Variants in CEBPE observed in about 807,000 individuals in gnomAD.
CEBPE encodes the protein CCAAT/enhancer-binding protein epsilon.
CEBPE carries 10 observed loss-of-function variants against 20.4 expected under a neutral mutation model. The ratio of observed to expected loss-of-function variants is 0.49; its 90% CI spans 0.30 to 0.83. The LOEUF (loss-of-function observed/expected upper bound fraction) is 0.83. Ranked by LOEUF, CEBPE falls within the 40% of genes least tolerant of loss-of-function variation. The pLI, the probability that CEBPE is intolerant of heterozygous loss-of-function variation, is 0.06. For missense variants in CEBPE, 389 were observed against 383.3 expected, an observed-to-expected ratio of 1.01 and a Z score of -0.12; for synonymous variants, 179 against 162.6, an observed-to-expected ratio of 1.10 and a Z score of -0.77.
rs777494945 is a variant in CEBPE, at chr14:23,118,659, C to T, written c.433G>A (p.Val145Met). 1.2e-6 allele frequency: 2 copies of T among 1,612,670 alleles called. No individual in the cohort carries two copies. The highest frequency in any genetic ancestry group is 2.2e-5 in the South Asian group (2 of 91,070). Residue 145 changes from valine to methionine, a missense_variant, in exon 1 of 2, where the codon GTG becomes ATG. Physicochemically the swap from Val to Met is conservative, Grantham distance 21. Around this residue, in one of 3 missense-constraint regions of CEBPE, gnomAD observed 294 missense variants for 279.7 expected, o/e 1.05. Coordinates refer to ENST00000206513, the MANE Select transcript of CEBPE (RefSeq NM_001805.4). The surrounding 1 kb of genome is among the most constrained non-coding windows in gnomAD (Gnocchi z 5.5). ...ATGGCTGTCTGCCCACAGTGTGCCA[C>T]TTGGTACTGCAGGGGATTGTAGCTG... is the stretch of plus-strand genomic sequence containing the variant. ...RGSYNPLQYQ[V>M]AHCGQTAMHL... is the part of the protein sequence containing the mutation.
Position 23,118,016 on chromosome 14 carries a change from T to C in CEBPE, c.511-194A>G, listed in dbSNP as rs1334524173. Among the ~76,000 whole-genome samples the C allele has an allele frequency of 6.6e-6, 1 of 151,882 alleles. No homozygotes were observed. The highest frequency in any genetic ancestry group is 2.1e-4 in the South Asian group (1 of 4,818). On this transcript the variant is annotated intron_variant, in intron 1 of 1. Transcript: ENST00000206513. The surrounding 1 kb of genome is among the most constrained non-coding windows in gnomAD (Gnocchi z 5.5). The stretch of plus-strand genomic sequence containing the variant: ...GAGATGGTGACCCAGATGCACAGGG[T>C]CCTCTGCTTGAGACCAAAACTCCCT...
intron 1 of CEBPE, 36 bp from the exon 2 acceptor site, chr14:23,117,858 G>A: frequency 6.5e-7 from 1 of 1,541,152 alleles, no homozygotes; most frequent in Non-Finnish European, 8.8e-7. Context: ...GAGAGGTGAG[G>A]GCTGGCCAGG....
chr14:23,117,459 C>G lies in CEBPE; in HGVS notation c.*28G>C, dbSNP rs750263943. The G allele has an allele frequency of 1.3e-6, 2 of 1,592,162 alleles. No homozygotes were observed. Among genetic ancestry groups the G allele is most frequent in the Non-Finnish European group, 1.7e-6 (2 of 1,170,036 alleles). Reference sequence around the variant, plus strand: ...CGCAGAGTTAGGCCGTGCCAGGGAGCCTGGTGCCCACAATCCACCAGCCAG... The same window carrying G: ...CGCAGAGTTAGGCCGTGCCAGGGAGGCTGGTGCCCACAATCCACCAGCCAG... On this transcript the variant is annotated 3_prime_UTR_variant, in exon 2 of 2. Transcript: ENST00000206513.
chr14:23,117,413 GC>G lies in CEBPE; in HGVS notation c.*73del. ...CATGGTCTATGTCTCAGGGTTCTAG[GC>G]CCCCAGCAGGATGGGGGTCCGCAGA... On this transcript the variant is annotated 3_prime_UTR_variant, in exon 2 of 2. Coordinates refer to ENST00000206513, the MANE Select transcript of CEBPE (RefSeq NM_001805.4). 6.8e-7 allele frequency: 1 copy of G among 1,466,142 alleles called. No individual in the cohort carries two copies. Among genetic ancestry groups the G allele is most frequent in the Non-Finnish European group, 9.3e-7 (1 of 1,075,944 alleles). The allele number at this position is 1,466,142 out of a possible 1,614,324, so 90.8% of individuals were successfully genotyped here.
chr14:23,119,177 C>A lies in CEBPE; in HGVS notation c.-86G>T. The A allele has an allele frequency of 1.1e-6, 1 of 910,930 alleles. No individual in the cohort carries two copies. Among genetic ancestry groups the A allele is most frequent in the Non-Finnish European group, 1.7e-6 (1 of 587,656 alleles). The allele number at this position is 910,930 out of a possible 1,614,324, so 56.4% of individuals were successfully genotyped here. ...TCCGGCTGCCCTCTCTCTACCTCCT[C>A]CTGACCTGGGCCTGCCCTCTCTCGA... is the stretch of plus-strand genomic sequence containing the variant. On this transcript the variant is annotated 5_prime_UTR_variant, in exon 1 of 2. Transcript: ENST00000206513.
intron 1 of CEBPE, 124 bp from the exon 2 acceptor site, chr14:23,117,946 C>T (rs1732951992): frequency 1.7e-5 from 12 of 689,330 alleles, no homozygotes; most frequent in Admixed American, 1.5e-4. Context: ...GACTCAGAGC[C>T]AGCTCCTGTC....
In CEBPE at chr14:23,118,186, C is replaced by T. The variant is rs1481188516; in HGVS notation, c.511-364G>A. On this transcript the variant is annotated intron_variant, in intron 1 of 1. Coordinates refer to ENST00000206513, the MANE Select transcript of CEBPE (RefSeq NM_001805.4). This position sits in a 1 kb window ranked among gnomAD's most constrained non-coding sequence, Gnocchi z 5.5. ...CTGGGATTACAGGCATGAGCCACGA[C>T]ACCCAGCCAATGCTCTCACACTTTC... Among the ~76,000 whole-genome samples, 2 of 152,146 alleles carry T rather than the reference C, an allele frequency of 1.3e-5. No homozygotes were observed. The highest frequency in any genetic ancestry group is 4.8e-5 in the African/African-American group (2 of 41,424).
Position 23,117,646 on chromosome 14 carries a change from A to T in CEBPE, c.687T>A (p.Ile229=). 1 of 1,614,160 alleles carries T rather than the reference A, an allele frequency of 6.2e-7. No individual in the cohort carries two copies. The highest frequency in any genetic ancestry group is 8.5e-7 in the Non-Finnish European group (1 of 1,180,032). ...RKSRDKAKRR[I]LETQQKVLEY... ...CCAGCACCTTCTGCTGCGTCTCCAGAATGCGCCTCTTGGCCTTGTCTCGGC... is the reference window on the plus strand; with the variant it reads ...CCAGCACCTTCTGCTGCGTCTCCAGTATGCGCCTCTTGGCCTTGTCTCGGC... The change falls in exon 2 of 2, where the codon ATT becomes ATA. Residue 229 remains isoleucine, a synonymous_variant. Coordinates refer to ENST00000206513, the MANE Select transcript of CEBPE (RefSeq NM_001805.4).
In CEBPE at chr14:23,117,829, G is replaced by A. The variant is rs755307869; in HGVS notation, c.511-7C>T. 3 of 1,590,800 alleles carry A rather than the reference G, an allele frequency of 1.9e-6. No homozygotes were observed. Among genetic ancestry groups the A allele is most frequent in the East Asian group, 2.2e-5 (1 of 44,542 alleles). ...CGGCAGTGGCCAAAGGGGCCTGGAG[G>A]GGAAGGCACGGAGAGACGGAGAGGT... On this transcript the variant is annotated splice_polypyrimidine_tract_variant and splice_region_variant and intron_variant, in intron 1 of 1. Coordinates refer to ENST00000206513, the MANE Select transcript of CEBPE (RefSeq NM_001805.4).
chr14:23,118,881 C>G lies in CEBPE; in HGVS notation c.211G>C (p.Gly71Arg). The G allele has an allele frequency of 6.2e-7, 1 of 1,613,968 alleles. No homozygotes were observed. Residue 71 changes from glycine to arginine, a missense_variant, in exon 1 of 2, where the codon GGC (glycine) becomes CGC (arginine). By Grantham distance (125) the Gly-to-Arg change is moderately radical. This residue lies in a region of CEBPE where 294 missense variants were observed against 279.7 expected (regional missense o/e 1.05). Transcript: ENST00000206513. The surrounding 1 kb of genome is among the most constrained non-coding windows in gnomAD (Gnocchi z 5.5). The part of the protein sequence containing the change: ...KPAPEARGLK[G>R]PGTPAFPHYL... ...TGGGGGAAGGCAGGGGTTCCGGGGC[C>G]CTTGAGGCCTCTGGCCTCAGGCGCT...
At position 23,118,907 on chromosome 14, in the gene CEBPE, G is replaced by T; in HGVS notation, c.185C>A (p.Pro62Gln). Residue 62 changes from proline (P) to glutamine (Q), a missense_variant, in exon 1 of 2, where the codon CCA becomes CAA. By Grantham distance (76) the Pro-to-Gln change is moderately conservative. Coordinates refer to ENST00000206513, the MANE Select transcript of CEBPE (RefSeq NM_001805.4). This position sits in a 1 kb window ranked among gnomAD's most constrained non-coding sequence, Gnocchi z 5.5. ...QLLSDLFAVK[P>Q]APEARGLKGP... ...CTTGAGGCCTCTGGCCTCAGGCGCT[G>T]GCTTCACGGCAAAGAGATCGGAGAG... 1.2e-6 allele frequency: 2 copies of T among 1,614,090 alleles called. No individual in the cohort carries two copies. Among genetic ancestry groups the T allele is most frequent in the South Asian group, 1.1e-5 (1 of 91,090 alleles).
At position 23,118,081 on chromosome 14, in the gene CEBPE, G is replaced by C. The variant is rs2048518529; in HGVS notation, c.511-259C>G. Among the ~76,000 whole-genome samples the C allele has an allele frequency of 6.6e-6, 1 of 151,974 alleles. No homozygotes were observed. The highest frequency in any genetic ancestry group is 1.5e-5 in the Non-Finnish European group (1 of 67,992). Reference sequence around the variant, plus strand: ...CTTTCTTTCTTTCTTTTTTTGTAAAGATGGAGCCTTGCTATGTTGTCCAGG... The same window carrying C: ...CTTTCTTTCTTTCTTTTTTTGTAAACATGGAGCCTTGCTATGTTGTCCAGG... On this transcript the variant is annotated intron_variant, in intron 1 of 1. Transcript: ENST00000206513. The surrounding 1 kb of genome is among the most constrained non-coding windows in gnomAD (Gnocchi z 5.5).
chr14:23,118,903 C>G lies in CEBPE; in HGVS notation c.189G>C (p.Ala63=). Residue 63 remains alanine (A), a synonymous_variant, in exon 1 of 2, where the codon GCG becomes GCC. Coordinates refer to ENST00000206513, the MANE Select transcript of CEBPE (RefSeq NM_001805.4). This position sits in a 1 kb window ranked among gnomAD's most constrained non-coding sequence, Gnocchi z 5.5. ...LLSDLFAVKP[A]PEARGLKGPG... ...GGCCCTTGAGGCCTCTGGCCTCAGG[C>G]GCTGGCTTCACGGCAAAGAGATCGG... 1.2e-6 allele frequency: 2 copies of G among 1,613,998 alleles called. No homozygotes were observed. The highest frequency in any genetic ancestry group is 1.7e-6 in the Non-Finnish European group (2 of 1,179,966).
In CEBPE at chr14:23,118,859, G is replaced by A. The variant is rs886224384; in HGVS notation, c.233C>T (p.Pro78Leu). The A allele has an allele frequency of 3.7e-6, 6 of 1,613,914 alleles. No homozygotes were observed. In the African/African-American group the frequency reaches 8.0e-5, roughly 22 times the overall value. Reference protein sequence around the residue: ...GLKGPGTPAFPHYLPPDPRPF... With the variant: ...GLKGPGTPAFLHYLPPDPRPF... The stretch of plus-strand genomic sequence containing the variant: ...CCGAGGGTCAGGCGGCAAGTAGTGG[G>A]GGAAGGCAGGGGTTCCGGGGCCCTT... Residue 78 changes from proline (P) to leucine (L), a missense_variant, in exon 1 of 2, where the codon CCC (proline) becomes CTC (leucine). By Grantham distance (98) the Pro-to-Leu change is moderately conservative (BLOSUM62 -3). Around this residue, in one of 3 missense-constraint regions of CEBPE, gnomAD observed 294 missense variants for 279.7 expected, o/e 1.05. Transcript: ENST00000206513. The surrounding 1 kb of genome is among the most constrained non-coding windows in gnomAD (Gnocchi z 5.5).
In CEBPE at chr14:23,117,399, T is replaced by C; in HGVS notation, c.*88A>G. ...GGTTGCCATTTATCCATGGTCTATG[T>C]CTCAGGGTTCTAGGCCCCCAGCAGG... On this transcript the variant is annotated 3_prime_UTR_variant, in exon 2 of 2. Coordinates refer to ENST00000206513, the MANE Select transcript of CEBPE (RefSeq NM_001805.4). The C allele has an allele frequency of 7.2e-7, 1 of 1,389,190 alleles. No individual in the cohort carries two copies. Among genetic ancestry groups the C allele is most frequent in the South Asian group, 1.2e-5 (1 of 81,280 alleles). The allele number at this position is 1,389,190 out of a possible 1,614,324, so 86.1% of individuals were successfully genotyped here. A position where few individuals can be genotyped will look rare whatever the true frequency, so the allele number is the denominator to read the frequency against.
Position 23,119,150 on chromosome 14 carries a change from G to C in CEBPE, c.-59C>G. ...CTGCTCTTGAGGCACCCCTTGGGGT[G>C]CTCCGGCTGCCCTCTCTCTACCTCC... On this transcript the variant is annotated 5_prime_UTR_variant, in exon 1 of 2. Coordinates refer to ENST00000206513, the MANE Select transcript of CEBPE (RefSeq NM_001805.4). The C allele has an allele frequency of 8.2e-7, 1 of 1,224,286 alleles. No homozygotes were observed. Among genetic ancestry groups the C allele is most frequent in the South Asian group, 1.3e-5 (1 of 77,168 alleles). The allele number at this position is 1,224,286 out of a possible 1,614,324, so 75.8% of individuals were successfully genotyped here. A position where few individuals can be genotyped will look rare whatever the true frequency, so the allele number is the denominator to read the frequency against.
In CEBPE at chr14:23,118,793, T is replaced by C. The variant is rs773625221; in HGVS notation, c.299A>G (p.Lys100Arg). The C allele has an allele frequency of 6.2e-7, 1 of 1,612,966 alleles. No homozygotes were observed. The highest frequency in any genetic ancestry group is 1.7e-5 in the Admixed American group (1 of 59,854). ...GCTGTAGATGCCAGGCCCCAGCGCC[T>C]TCCTGTCTGGGCCGAAGGTATGTGG... ...YPPHTFGPDR[K>R]ALGPGIYSSP... is the part of the protein sequence containing the mutation. The change falls in exon 1 of 2, where the codon AAG becomes AGG. Residue 100 changes from lysine (K) to arginine (R), a missense_variant. Physicochemically the swap from Lys to Arg is conservative, Grantham distance 26. Transcript: ENST00000206513. The surrounding 1 kb of genome is among the most constrained non-coding windows in gnomAD (Gnocchi z 5.5).
rs768805943 is a variant in CEBPE, at chr14:23,119,073, A to G, written c.19T>C (p.Tyr7His). The change falls in exon 1 of 2, where the codon TAC becomes CAC. Residue 7 changes from tyrosine (Y) to histidine (H), a missense_variant. By Grantham distance (83) the Tyr-to-His change is moderately conservative (BLOSUM62 2). This residue lies in a region of CEBPE where 294 missense variants were observed against 279.7 expected (regional missense o/e 1.05). Coordinates refer to ENST00000206513, the MANE Select transcript of CEBPE (RefSeq NM_001805.4). ...TGGCCACCCCGGGGCTCACACTCGTAGTAGGTCCCGTGGGACATGGCCGGC... is the reference window on the plus strand; with the variant it reads ...TGGCCACCCCGGGGCTCACACTCGTGGTAGGTCCCGTGGGACATGGCCGGC... MSHGTY[Y>H]ECEPRGGQQP... is the part of the protein sequence containing the mutation. The G allele has an allele frequency of 3.1e-6, 5 of 1,606,734 alleles. No homozygotes were observed. Among genetic ancestry groups the G allele is most frequent in the Non-Finnish European group, 8.5e-7 (1 of 1,178,672 alleles).
rs1427861921 is a variant in CEBPE, at chr14:23,117,803, G to A, written c.530C>T (p.Ala177Val). 1 of 1,606,276 alleles carries A rather than the reference G, an allele frequency of 6.2e-7. No individual in the cohort carries two copies. The highest frequency in any genetic ancestry group is 1.1e-5 in the South Asian group (1 of 91,016). ...CTTCAGGAGGGGACTGCAGGGGGGT[G>A]CGGCAGTGGCCAAAGGGGCCTGGAG... ...RVLKAPLATA[A>V]PPCSPLLKAP... The change falls in exon 2 of 2, where the codon GCA (alanine) becomes GTA (valine). Residue 177 changes from alanine to valine, a missense_variant. Around this residue, in one of 3 missense-constraint regions of CEBPE, gnomAD observed 294 missense variants for 279.7 expected, o/e 1.05. Coordinates refer to ENST00000206513, the MANE Select transcript of CEBPE (RefSeq NM_001805.4).
Sources: allele counts gnomAD v4.1 joint callset (sites outside exome capture counted in the v4.1 genomes callset), GRCh38; gene constraint gnomAD v4.1.1; regional missense constraint gnomAD v4.1.1; non-coding constraint Gnocchi (gnomAD v3.1); transcripts MANE v1.5; gene names NCBI Gene and HGNC (gene_info 2026-07-23, HGNC 2026-07-21).